The following SAMD3 variants were observed in gnomAD, a reference collection of about 807,000 sequenced individuals.
SAMD3 encodes the protein sterile alpha motif domain-containing protein 3.
In SAMD3, 63 loss-of-function variants were observed where a neutral mutation model predicts 58.5. The ratio of observed to expected loss-of-function variants is 1.08; its 90% confidence interval spans 0.88 to 1.33. The LOEUF is 1.33. Ranked by LOEUF, SAMD3 falls within the 40% of genes most tolerant of loss-of-function variation. The pLI, the probability that SAMD3 is intolerant of heterozygous loss-of-function variation, is 0.00. For missense variants in SAMD3, 604 were observed against 608.4 expected, an observed-to-expected ratio of 0.99 and a Z score of 0.08; for synonymous variants, 220 against 210.3, an observed-to-expected ratio of 1.05 and a Z score of -0.40.
intron 2 of SAMD3, among the ~76,000 whole-genome samples, chr6:130,304,926 CTTTTTTTTTTTT>C (rs777084920): frequency 9.7e-6 from 1 of 103,376 alleles, no homozygotes; most frequent in Non-Finnish European, 1.9e-5. Flanking sequence ...CATTTTCTTC[CTTTTTTTTTTTT>C]TTTTTTTTTT....
chr6:130,220,901 T>G (rs950644518), intron 1 of SAMD3, among the ~76,000 whole-genome samples: 1 of 152,148 alleles, frequency 6.6e-6, no homozygotes, highest in Non-Finnish European at 1.5e-5. Context: ...TTGCCCAGGC[T>G]GGAGTGCAGT....
intron 2 of SAMD3, among the ~76,000 whole-genome samples, chr6:130,294,430 C>T (rs947264067): frequency 6.6e-6 from 1 of 152,020 alleles, no homozygotes; most frequent in Non-Finnish European, 1.5e-5. Flanking sequence ...TTCAGCCCCT[C>T]GTTATTAATG....
intron 1 of SAMD3, among the ~76,000 whole-genome samples, chr6:130,331,807 A>G (rs1383081128): frequency 6.6e-6 from 1 of 152,206 alleles, no homozygotes; most frequent in East Asian, 1.9e-4. Flanking sequence ...AAATATATAT[A>G]TGTATGTTTA....
intron 1 of SAMD3, among the ~76,000 whole-genome samples, chr6:130,346,506 T>C (rs1777457416): frequency 6.6e-6 from 1 of 152,146 alleles, no homozygotes; most frequent in Admixed American, 6.5e-5. Flanking sequence ...AACTGCAAGG[T>C]GGCAGTGAGG....
intron 7 of SAMD3, among the ~76,000 whole-genome samples, chr6:130,179,920 T>C (rs949428020): frequency 6.7e-6 from 1 of 150,164 alleles, no homozygotes; most frequent in Non-Finnish European, 1.5e-5. Context: ...GTTCAAGCGA[T>C]TCTCCTGCCT....
chr6:130,146,182 C>T lies in SAMD3; in HGVS notation c.1024-1G>A. 6.4e-7 allele frequency: 1 copy of T among 1,560,428 alleles called. No homozygotes were observed. Among genetic ancestry groups the T allele is most frequent in the African/African-American group, 1.4e-5 (1 of 72,772 alleles). On this transcript the variant is annotated splice_acceptor_variant, in intron 9 of 11. Transcript: ENST00000439090. LOFTEE classifies it high-confidence loss of function. Reference sequence around the variant, plus strand: ...TAAGAAGTTGGAATTCTCTGAACATCTGACAAAAGAAGAAAGCAATGGATA... The same window carrying T: ...TAAGAAGTTGGAATTCTCTGAACATTTGACAAAAGAAGAAAGCAATGGATA...
chr6:130,186,897 A>G (rs2114719574), intron 5 of SAMD3, among the ~76,000 whole-genome samples: 1 of 150,726 alleles, frequency 6.6e-6, no homozygotes, highest in Non-Finnish European at 1.5e-5. Flanking sequence ...CAGCCTCCTG[A>G]GTAGCTGGGA....
chr6:130,336,807 T>C (rs1003807189), intron 1 of SAMD3, among the ~76,000 whole-genome samples: 10 of 152,230 alleles, frequency 6.6e-5, no homozygotes, highest in African/African-American at 2.4e-4. Context: ...CCATTCAAGA[T>C]GTGGAATTTG....
chr6:130,229,973 T>G lies in SAMD3; in HGVS notation c.-187-7160A>C, dbSNP rs114946452. Among the ~76,000 whole-genome samples the G allele has an allele frequency of 2.3e-3, 350 of 152,312 alleles. 2 individuals carry two copies. The highest frequency in any genetic ancestry group is 8.1e-3 in the African/African-American group (337 of 41,566). ...AGCTGGAGAAATTATTTTTCTCTAGTCATAATTCATAAAACAATTACCTGC... is the reference window on the plus strand; with the variant it reads ...AGCTGGAGAAATTATTTTTCTCTAGGCATAATTCATAAAACAATTACCTGC... On this transcript the variant is annotated intron_variant, in intron 2 of 13. Transcript: ENST00000368134.
rs554792637 is a variant in SAMD3 at position 130,218,913 on chromosome 6, C to A, written c.-67-2297G>T. 3.9e-4 allele frequency among the ~76,000 whole-genome samples: 60 copies of A among 152,112 alleles called. 1 individual carries two copies. The highest frequency in any genetic ancestry group is 1.4e-3 in the African/African-American group (59 of 41,480). ...ACCACAGGAGACAGGGTCTGAAGAT[C>A]GCAGAAAGGCTTAGAATGTTAAGAG... is the stretch of plus-strand genomic sequence containing the variant. On this transcript the variant is annotated intron_variant, in intron 1 of 11. Transcript: ENST00000439090.
chr6:130,266,137 C>G (rs528270314), intron 2 of SAMD3, among the ~76,000 whole-genome samples: 20 of 152,108 alleles, frequency 1.3e-4, no homozygotes, highest in Non-Finnish European at 2.4e-4. Flanking sequence ...AATGGATCTT[C>G]AAGTAAATAT....
intron 2 of SAMD3, among the ~76,000 whole-genome samples, chr6:130,288,165 T>C (rs551888940): frequency 6.6e-6 from 1 of 152,268 alleles, no homozygotes; most frequent in Admixed American, 6.5e-5. Flanking sequence ...ACCAGATATA[T>C]CTATACATCT....
intron 5 of SAMD3, among the ~76,000 whole-genome samples, chr6:130,207,998 C>A (rs1032033426): frequency 6.6e-6 from 1 of 152,252 alleles, no homozygotes; most frequent in South Asian, 2.1e-4. Context: ...CCCCTGAGCT[C>A]TCACGCTGAG....
chr6:130,209,680 G>A (rs1482294317), intron 4 of SAMD3, 72 bp from the exon 5 acceptor site: 6 of 891,252 alleles, frequency 6.7e-6, no homozygotes, highest in African/African-American at 1.7e-5. Flanking sequence ...CAGCTCTGAA[G>A]GTAGCACCAG....
chr6:130,270,698 A>G (rs1774527703), intron 2 of SAMD3, among the ~76,000 whole-genome samples: 1 of 152,226 alleles, frequency 6.6e-6, no homozygotes, highest in African/African-American at 2.4e-5. Flanking sequence ...AGATACATGA[A>G]CACATAGATC....
At chr6:130,290,479 T>C (rs1775327799) in intron 2 of SAMD3, among the ~76,000 whole-genome samples, 1 of 152,244 alleles carries the variant, frequency 6.6e-6, no homozygotes, top group Admixed American at 6.5e-5. Flanking sequence ...ATGTTAATCG[T>C]ATATAAAAAC....
intron 2 of SAMD3, among the ~76,000 whole-genome samples, chr6:130,282,505 T>G (rs1028334465): frequency 2.0e-5 from 3 of 152,192 alleles, no homozygotes; most frequent in Non-Finnish European, 4.4e-5. Flanking sequence ...GTACAGAGGC[T>G]TAGAGTTTAA....
At chr6:130,250,741 T>C (rs1214789918) in intron 2 of SAMD3, among the ~76,000 whole-genome samples, 1 of 152,218 alleles carries the variant, frequency 6.6e-6, no homozygotes, top group Non-Finnish European at 1.5e-5. Context: ...GGTTTTAAGG[T>C]TCATTCATAT....
chr6:130,268,932 T>C (rs976207464), intron 2 of SAMD3, among the ~76,000 whole-genome samples: 7 of 152,226 alleles, frequency 4.6e-5, no homozygotes, highest in African/African-American at 1.4e-4. Context: ...CTTAATAAGA[T>C]ATTTTGCTCA....
Sources: gnomAD v4.1 joint callset for allele counts (sites outside exome capture counted in the v4.1 genomes callset) on GRCh38, gnomAD v4.1.1 for gene constraint, MANE v1.5 for transcripts, NCBI Gene and HGNC (gene_info 2026-07-23, HGNC 2026-07-21) for gene names.